The following CA10 variants were observed in gnomAD, a reference collection of about 807,000 sequenced individuals.
CA10 encodes carbonic anhydrase 10 (inactive).
A neutral mutation model predicts 44.2 loss-of-function variants in CA10; 14 were observed. That is an observed-to-expected ratio of 0.32 (90% confidence interval 0.21 to 0.50). CA10 has a LOEUF of 0.50. Among genes scored for constraint, CA10 ranks in the 20% least tolerant of loss-of-function variants. The probability of loss-of-function intolerance (pLI) is 0.99; values close to 1 mark genes in which losing one functional copy is unlikely to be tolerated. For missense variants in CA10, 350 were observed against 409.7 expected, an observed-to-expected ratio of 0.85 and a Z score of 1.26; for synonymous variants, 159 against 141.6, an observed-to-expected ratio of 1.12 and a Z score of -0.87.
At chr17:51,743,443 T>G (rs1904541913) in intron 4 of CA10, among the ~76,000 whole-genome samples, 1 of 152,242 alleles carries the variant, frequency 6.6e-6, no homozygotes, top group South Asian at 2.1e-4. Context: ...TGGAGACATT[T>G]GAATCCCTGA....
chr17:51,738,811 G>A (rs756815782), intron 4 of CA10, among the ~76,000 whole-genome samples: 11 of 152,090 alleles, frequency 7.2e-5, no homozygotes, highest in Non-Finnish European at 1.6e-4. Context: ...GACCTAAGAA[G>A]GTTTTTTGAA....
intron 3 of CA10, among the ~76,000 whole-genome samples, chr17:51,877,999 C>A (rs1261164762): frequency 6.6e-6 from 1 of 151,548 alleles, no homozygotes; most frequent in Admixed American, 6.6e-5. Context: ...AAAAAATTAG[C>A]CAGGCATGGT....
At chr17:52,110,087 G>C (rs1320512337) in intron 1 of CA10, among the ~76,000 whole-genome samples, 1 of 152,154 alleles carries the variant, frequency 6.6e-6, no homozygotes, top group Non-Finnish European at 1.5e-5. Context: ...ACCGGCATGA[G>C]TCCAGCTGAA....
intron 4 of CA10, among the ~76,000 whole-genome samples, chr17:51,745,303 C>A (rs1904638766): frequency 6.6e-6 from 1 of 152,144 alleles, no homozygotes; most frequent in African/African-American, 2.4e-5. Flanking sequence ...ATGTACAAAC[C>A]TGGATCCTAT....
At chr17:51,669,239 A>C (rs1225656958) in intron 4 of CA10, among the ~76,000 whole-genome samples, 1 of 152,138 alleles carries the variant, frequency 6.6e-6, no homozygotes, top group Non-Finnish European at 1.5e-5. Context: ...TTTTATGTCT[A>C]GCTGGAGGAT....
chr17:52,027,748 CTCTT>C (rs904568516), intron 2 of CA10, among the ~76,000 whole-genome samples: 2 of 152,110 alleles, frequency 1.3e-5, no homozygotes, highest in African/African-American at 4.8e-5. Flanking sequence ...AGGAAAGAAA[CTCTT>C]TCCAGAAGTG....
intron 2 of CA10, among the ~76,000 whole-genome samples, chr17:51,946,246 G>A (rs1983267341): frequency 6.6e-6 from 1 of 152,134 alleles, no homozygotes; most frequent in South Asian, 2.1e-4. Context: ...GGTAATTACA[G>A]TTAAAAACAA....
At chr17:51,631,762 C>A (rs950798370) in intron 8 of CA10, among the ~76,000 whole-genome samples, 156 bp from the exon 9 acceptor site, 1 of 152,154 alleles carries the variant, frequency 6.6e-6, no homozygotes, top group Non-Finnish European at 1.5e-5. Flanking sequence ...TACTCCCTTC[C>A]AATTCTCCAT....
rs554028649 is a variant in CA10, at chr17:52,130,642, A to G, written c.61+27084T>C. ...AATAGAATGGTGGTTACTAGCGACTAGATGGTGCAGGGTTGGGGAGATGGC... is the reference window on the plus strand; with the variant it reads ...AATAGAATGGTGGTTACTAGCGACTGGATGGTGCAGGGTTGGGGAGATGGC... On this transcript the variant is annotated intron_variant, in intron 1 of 8. Transcript: ENST00000451037. Among the ~76,000 whole-genome samples the G allele has an allele frequency of 1.1e-4, 16 of 152,310 alleles. No individual in the cohort carries two copies. In the South Asian group the frequency reaches 3.1e-3, roughly 30 times the overall value.
intron 3 of CA10, among the ~76,000 whole-genome samples, chr17:51,896,868 C>T (rs1237549608): frequency 2.0e-5 from 3 of 152,028 alleles, no homozygotes; most frequent in Admixed American, 2.0e-4. Flanking sequence ...TGCTTGTTGG[C>T]CATGTGTATG....
intron 3 of CA10, among the ~76,000 whole-genome samples, chr17:51,797,293 C>T (rs866998794): frequency 3.9e-5 from 6 of 152,200 alleles, no homozygotes; most frequent in African/African-American, 7.2e-5. Flanking sequence ...GGACTTCCCA[C>T]GGTCAGGCTT....
rs1302447600 is a variant in CA10 at position 51,835,532 on chromosome 17, A to T, written c.280-87714T>A. Among the ~76,000 whole-genome samples, 5 of 152,220 alleles carry T rather than the reference A, an allele frequency of 3.3e-5. No individual in the cohort carries two copies. In the East Asian group the frequency reaches 9.6e-4, roughly 29 times the overall value. On this transcript the variant is annotated intron_variant, in intron 3 of 8. Transcript: ENST00000451037. ...ATGGTGAGTTCAGTATAGGCACTGA[A>T]AGCAAACTAGCAGAAGGCAAAATGA...
intron 4 of CA10, among the ~76,000 whole-genome samples, chr17:51,668,251 C>CAT (rs1914279518): frequency 6.6e-6 from 1 of 152,204 alleles, no homozygotes; most frequent in Non-Finnish European, 1.5e-5. Context: ...GCCATGCCAG[C>CAT]TACTGTACCA....
At chr17:51,961,328 T>C (rs1377935733) in intron 2 of CA10, among the ~76,000 whole-genome samples, 1 of 151,876 alleles carries the variant, frequency 6.6e-6, no homozygotes, top group East Asian at 1.9e-4. Context: ...TACTGAAAAG[T>C]TACAGCACTA....
Position 51,795,057 on chromosome 17 carries a change from A to G in CA10, c.280-47239T>C, listed in dbSNP as rs182198010. Among the ~76,000 whole-genome samples, 329 of 152,302 alleles carry G rather than the reference A, an allele frequency of 2.2e-3. 2 individuals are homozygous for G. Among genetic ancestry groups the G allele is most frequent in the African/African-American group, 7.5e-3 (313 of 41,576 alleles). Reference sequence around the variant, plus strand: ...ATTTTCCAGAAGTTTTAACTTCTCTATGGCTCAGTTTCATTTACTGAAAAA... The same window carrying G: ...ATTTTCCAGAAGTTTTAACTTCTCTGTGGCTCAGTTTCATTTACTGAAAAA... On this transcript the variant is annotated intron_variant, in intron 3 of 8. Coordinates refer to ENST00000451037, the MANE Select transcript of CA10 (RefSeq NM_020178.5).
chr17:51,790,079 T>A (rs1276643106), intron 3 of CA10, among the ~76,000 whole-genome samples: 1 of 152,124 alleles, frequency 6.6e-6, no homozygotes, highest in Non-Finnish European at 1.5e-5. Flanking sequence ...TTGCTGGAAA[T>A]GGGAGGAGCC....
chr17:52,043,788 C>T (rs1020990745), intron 2 of CA10, among the ~76,000 whole-genome samples: 6 of 152,018 alleles, frequency 3.9e-5, no homozygotes, highest in Admixed American at 6.6e-5. Context: ...TTGTCAAATG[C>T]TTTTTCCCCA....
chr17:51,717,589 A>T (rs1393587948), intron 4 of CA10, among the ~76,000 whole-genome samples: 1 of 138,272 alleles, frequency 7.2e-6, no homozygotes, highest in Non-Finnish European at 1.5e-5. Context: ...AAAAATATAT[A>T]TTTGTGTATA....
chr17:52,037,940 G>A (rs1986664342), intron 2 of CA10, among the ~76,000 whole-genome samples: 1 of 151,614 alleles, frequency 6.6e-6, no homozygotes, highest in African/African-American at 2.4e-5. Context: ...ACTCTTTATA[G>A]CATTTTTTTT....
Sources: allele counts gnomAD v4.1 joint callset (sites outside exome capture counted in the v4.1 genomes callset), GRCh38; gene constraint gnomAD v4.1.1; transcripts MANE v1.5; gene names NCBI Gene and HGNC (gene_info 2026-07-23, HGNC 2026-07-21).